Variants in MPHOSPH9 observed in about 807,000 individuals in gnomAD.
The protein encoded by MPHOSPH9 is M-phase phosphoprotein 9.
In MPHOSPH9, 88 loss-of-function variants were observed where a neutral mutation model predicts 145.5. That is an observed-to-expected ratio of 0.60 (90% confidence interval 0.51 to 0.72). The LOEUF is 0.72. MPHOSPH9 is among the 30% of genes least tolerant of loss of function. The pLI, the probability that MPHOSPH9 is intolerant of heterozygous loss-of-function variation, is 0.00. For synonymous variants in MPHOSPH9, 435 were observed against 486.2 expected (o/e 0.89, Z 1.39); for missense variants, 1,238 against 1,386.6 (o/e 0.89, Z 1.70).
intron 7 of MPHOSPH9, among the ~76,000 whole-genome samples, chr12:123,213,305 TATG>T (rs2046823451): frequency 6.6e-6 from 1 of 152,156 alleles, no homozygotes; most frequent in South Asian, 2.1e-4. Flanking sequence ...TAGGCTAAGC[TATG>T]ATGTTTAATA....
At chr12:123,194,629 T>TTA (rs1478788063) in intron 12 of MPHOSPH9, 28 bp from the exon 13 acceptor site, 3 of 1,504,382 alleles carry the variant, frequency 2.0e-6, no homozygotes, top group Non-Finnish European at 2.7e-6. Flanking sequence ...ACATAATTTT[T>TTA]TTTTTTTTTT....
upstream of MPHOSPH9, among the ~76,000 whole-genome samples, chr12:123,236,804 T>C (rs947187004): frequency 1.3e-5 from 2 of 151,976 alleles, no homozygotes; most frequent in African/African-American, 4.8e-5. Flanking sequence ...AGAACAAATA[T>C]GGGGCCGGGC....
chr12:123,211,734 C>G (rs2046733018), intron 7 of MPHOSPH9, among the ~76,000 whole-genome samples: 2 of 145,598 alleles, frequency 1.4e-5, no homozygotes, highest in Non-Finnish European at 3.0e-5. Flanking sequence ...CCATCTGTCA[C>G]CCAGTCTGGA....
downstream of MPHOSPH9, chr12:123,152,962 G>C (rs1716184): frequency 0.55 from 86,360 of 157,362 alleles, 28,396 homozygotes; most frequent in Non-Finnish European, 0.71. Flanking sequence ...TGACAAAAGT[G>C]TCTAATTTTA....
Position 123,230,504 on chromosome 12 carries a change from C to A in MPHOSPH9, c.-140G>T. 2.0e-6 allele frequency: 1 copy of A among 497,638 alleles called. No individual in the cohort carries two copies. The highest frequency in any genetic ancestry group is 3.5e-6 in the Non-Finnish European group (1 of 282,132). The allele number at this position is 497,638 out of a possible 1,614,324, so 30.8% of individuals were successfully genotyped here. On this transcript the variant is annotated 5_prime_UTR_variant, in exon 2 of 24. Coordinates refer to ENST00000606320, the MANE Select transcript of MPHOSPH9 (RefSeq NM_022782.4). ...GCTAACATTCAGAACTGTGAAATAT[C>A]CTAAACTTCCAAGAGAGTCTGAAAA...
intron 8 of MPHOSPH9, among the ~76,000 whole-genome samples, chr12:123,204,259 G>A (rs1467388306): frequency 4.0e-5 from 6 of 150,598 alleles, no homozygotes; most frequent in Admixed American, 1.3e-4. Flanking sequence ...CCGAGATTGC[G>A]CCATTGCACT....
chr12:123,223,278 C>T (rs970276793), intron 3 of MPHOSPH9, 151 bp from the exon 4 acceptor site: 16 of 434,406 alleles, frequency 3.7e-5, no homozygotes, highest in Non-Finnish European at 5.5e-5. Context: ...AGTATGCTGG[C>T]GCGCCACACC....
At chr12:123,210,375 C>T (rs186903035) in intron 7 of MPHOSPH9, among the ~76,000 whole-genome samples, 30 of 152,150 alleles carry the variant, frequency 2.0e-4, no homozygotes, top group African/African-American at 6.7e-4. Flanking sequence ...TATAAAAAGT[C>T]AAGATGAGTT....
chr12:123,189,796 T>A (rs1317362164), intron 13 of MPHOSPH9, among the ~76,000 whole-genome samples: 1 of 151,670 alleles, frequency 6.6e-6, no homozygotes, highest in Non-Finnish European at 1.5e-5. Flanking sequence ...ATCAGCCAGG[T>A]GTGGTGGCGG....
chr12:123,161,004 G>T, intron 22 of MPHOSPH9, 132 bp downstream of exon 22: 2 of 1,348,616 alleles, frequency 1.5e-6, no homozygotes, highest in South Asian at 1.4e-5. Context: ...GCTCAAATCC[G>T]TTGCTAGCAC....
upstream of MPHOSPH9, among the ~76,000 whole-genome samples, chr12:123,235,289 C>T (rs61953361): frequency 0.02 from 3,008 of 152,242 alleles, 70 homozygotes; most frequent in Non-Finnish European, 0.024. Context: ...AGACATTGAA[C>T]GCAGGTCTGT....
chr12:123,232,167 A>G lies in MPHOSPH9; in HGVS notation c.-159+908T>C, dbSNP rs979782804. Among the ~76,000 whole-genome samples, 5 of 151,704 alleles carry G rather than the reference A, an allele frequency of 3.3e-5. No individual in the cohort carries two copies. The South Asian group carries it at 6.3e-4, about 19-fold the overall frequency. On this transcript the variant is annotated intron_variant, in intron 1 of 23. Coordinates refer to ENST00000606320, the MANE Select transcript of MPHOSPH9 (RefSeq NM_022782.4). Reference sequence around the variant, plus strand: ...ATACCTGGATTCCAATCACCATGCTATTACACCAGGAAAACACAAGCTCTC... The same window carrying G: ...ATACCTGGATTCCAATCACCATGCTGTTACACCAGGAAAACACAAGCTCTC...
intron 15 of MPHOSPH9, among the ~76,000 whole-genome samples, chr12:123,179,297 G>A (rs11057182): frequency 0.02 from 3,104 of 152,198 alleles, 39 homozygotes; most frequent in Non-Finnish European, 0.032. Flanking sequence ...CAGGCTTGCC[G>A]GGCTCCGTGG....
At chr12:123,181,271 G>A (rs971694123) in intron 13 of MPHOSPH9, 61 bp from the exon 14 acceptor site, 17 of 1,454,956 alleles carry the variant, frequency 1.2e-5, no homozygotes, top group Non-Finnish European at 1.4e-5. Flanking sequence ...ATCAACTGAG[G>A]TACAGTCTAC....
intron 3 of MPHOSPH9, among the ~76,000 whole-genome samples, chr12:123,224,823 C>A (rs2047371575): frequency 6.6e-6 from 1 of 152,166 alleles, no homozygotes; most frequent in South Asian, 2.1e-4. Context: ...GTCACCCTTT[C>A]AGAAAAGCAT....
intron 11 of MPHOSPH9, among the ~76,000 whole-genome samples, chr12:123,199,214 T>C (rs1256677683): frequency 6.6e-6 from 1 of 152,134 alleles, no homozygotes; most frequent in Non-Finnish European, 1.5e-5. Flanking sequence ...CTCAAACTCC[T>C]GGACTCATGC....
At chr12:123,152,338 T>G (rs1342069491), downstream of MPHOSPH9, 2 of 311,104 alleles carry the variant, frequency 6.4e-6, no homozygotes, top group Non-Finnish European at 1.3e-5. Context: ...CAGCCACAAG[T>G]ATTTATTGAG....
chr12:123,210,072 T>A lies in MPHOSPH9; in HGVS notation c.1178A>T (p.Asp393Val), dbSNP rs1207656439. ...EKTFISLSST[D>V]VSPNQSNTSN... ...TTAAATTACCTGGTTTGGTGACACATCTGTGGAAGACAATGATATGAACGT... is the reference window on the plus strand; with the variant it reads ...TTAAATTACCTGGTTTGGTGACACAACTGTGGAAGACAATGATATGAACGT... The change falls in exon 8 of 24, where the codon GAT becomes GTT. Residue 393 changes from aspartate (D) to valine (V), a missense_variant. Asp to Val is a radical substitution (Grantham distance 152). Coordinates refer to ENST00000606320, the MANE Select transcript of MPHOSPH9 (RefSeq NM_022782.4). The A allele has an allele frequency of 6.2e-7, 1 of 1,609,474 alleles. No individual in the cohort carries two copies. The highest frequency in any genetic ancestry group is 8.5e-7 in the Non-Finnish European group (1 of 1,177,724).
Position 123,165,421 on chromosome 12 carries a change from A to G in MPHOSPH9, c.2648T>C (p.Leu883Ser), listed in dbSNP as rs1425126301. 1.2e-6 allele frequency: 2 copies of G among 1,613,854 alleles called. No homozygotes were observed. Among genetic ancestry groups the G allele is most frequent in the Non-Finnish European group, 1.7e-6 (2 of 1,179,962 alleles). ...SSPGSSSTSL[L>S]IKKQRETSDT... ...TGAAGTCTCTCTTTGCTTTTTTATC[A>G]ACAAGCTTGTTGATGAACTTCCAGG... The change falls in exon 18 of 24, where the codon TTG (leucine) becomes TCG (serine). Residue 883 changes from leucine (L) to serine (S), a missense_variant. By Grantham distance (145) the Leu-to-Ser change is moderately radical. This residue lies in a region of MPHOSPH9 where 393 missense variants were observed against 462.5 expected (regional missense o/e 0.85). Transcript: ENST00000606320.
Sources: gnomAD v4.1 joint callset for allele counts (sites outside exome capture counted in the v4.1 genomes callset) on GRCh38, gnomAD v4.1.1 for gene constraint, gnomAD v4.1.1 regional missense constraint, MANE v1.5 for transcripts, NCBI Gene and HGNC (gene_info 2026-07-23, HGNC 2026-07-21) for gene names.